The following SNRPN variants were observed in gnomAD, a reference collection of about 807,000 sequenced individuals.
The protein encoded by SNRPN is small nuclear ribonucleoprotein-associated protein N.
SNRPN carries 7 observed loss-of-function variants against 25.2 expected under a neutral mutation model. The observed-to-expected ratio is 0.28, with a 90% CI of 0.16 to 0.52. The LOEUF is 0.52. Ranked by LOEUF, SNRPN falls within the 20% of genes least tolerant of loss-of-function variation. The probability of loss-of-function intolerance (pLI) is 0.96; values close to 1 mark genes in which losing one functional copy is unlikely to be tolerated. For missense variants in SNRPN, 196 were observed against 322.5 expected (o/e 0.61, Z 3.00); for synonymous variants, 124 against 110.6 (o/e 1.12, Z -0.76).
At chr15:24,877,691 C>A (rs867206747) in intron 1 of SNRPN, among the ~76,000 whole-genome samples, 10 of 118,304 alleles carry the variant, frequency 8.5e-5, no homozygotes, top group African/African-American at 2.8e-4. Context: ...CACACACACA[C>A]ACACAAACAC....
chr15:24,826,445 T>C (rs2050084960), intron 1 of SNRPN, among the ~76,000 whole-genome samples: 1 of 152,164 alleles, frequency 6.6e-6, no homozygotes, highest in Non-Finnish European at 1.5e-5. Context: ...TGATGTACTG[T>C]GTCTTGCCAA....
chr15:24,832,593 C>T (rs1048620235), intron 2 of SNRPN, among the ~76,000 whole-genome samples: 4 of 151,912 alleles, frequency 2.6e-5, no homozygotes, highest in Non-Finnish European at 5.9e-5. Flanking sequence ...AGCTGGTAAC[C>T]CCAGCCAGCA....
chr15:24,911,537 C>T (rs2059216300), intron 2 of SNRPN, among the ~76,000 whole-genome samples: 1 of 152,176 alleles, frequency 6.6e-6, no homozygotes, highest in African/African-American at 2.4e-5. Context: ...AGCAAAGCTT[C>T]CCCATCTGTG....
chr15:24,976,983 C>T lies in SNRPN; in HGVS notation c.374C>T (p.Ala125Val). ...PAGVPIPQAP[A>V]GLAGPVRGVG... ...GGTGTGCCAATTCCCCAGGCCCCTG[C>T]TGGATTGGCAGGCCCTGTCCGAGGA... Residue 125 changes from alanine (A) to valine (V), a missense_variant, in exon 7 of 10, where the codon GCT becomes GTT. By Grantham distance (64) the Ala-to-Val change is moderately conservative (BLOSUM62 0). Transcript: ENST00000390687. The T allele has an allele frequency of 1.2e-6, 2 of 1,604,378 alleles. No homozygotes were observed. Among genetic ancestry groups the T allele is most frequent in the Non-Finnish European group, 1.7e-6 (2 of 1,175,902 alleles).
chr15:24,915,154 G>A (rs2059434735), intron 2 of SNRPN, among the ~76,000 whole-genome samples: 1 of 151,848 alleles, frequency 6.6e-6, no homozygotes, highest in Admixed American at 6.6e-5. Context: ...TTGAGACAGA[G>A]TCTCGCTCTG....
chr15:24,921,521 GC>G (rs1362703901), intron 3 of SNRPN, among the ~76,000 whole-genome samples: 1 of 152,144 alleles, frequency 6.6e-6, no homozygotes, highest in African/African-American at 2.4e-5. Context: ...TGTAATCCAG[GC>G]AATATGTAGG....
chr15:24,917,125 G>T (rs2152397953), intron 2 of SNRPN, among the ~76,000 whole-genome samples: 1 of 152,228 alleles, frequency 6.6e-6, no homozygotes, highest in East Asian at 1.9e-4. Context: ...GCACTGATTG[G>T]TGCATTTTAC....
intron 1 of SNRPN, among the ~76,000 whole-genome samples, chr15:24,871,897 G>A (rs2055162694): frequency 8.5e-6 from 1 of 117,306 alleles, no homozygotes; most frequent in South Asian, 3.1e-4. Flanking sequence ...AGCAGAGACG[G>A]GGTTTCACCA....
At chr15:24,834,732 T>TCC (rs1425050544) in intron 2 of SNRPN, among the ~76,000 whole-genome samples, 2,983 of 66,056 alleles carry the variant, frequency 0.045, 31 homozygotes, top group Non-Finnish European at 0.056. Context: ...TCTCTCCCTC[T>TCC]CTCTCTCTCT....
intron 1 of SNRPN, among the ~76,000 whole-genome samples, chr15:24,857,487 G>A (rs1190235310): frequency 6.6e-6 from 1 of 151,956 alleles, no homozygotes; most frequent in Admixed American, 6.6e-5. Context: ...GTAGCATATA[G>A]TTTTATAATC....
chr15:24,829,305 G>A (rs765518555), intron 1 of SNRPN, among the ~76,000 whole-genome samples: 6 of 152,112 alleles, frequency 3.9e-5, no homozygotes, highest in African/African-American at 1.4e-4. Context: ...GCCTGGACTG[G>A]GTGGGCAAGG....
intron 3 of SNRPN, among the ~76,000 whole-genome samples, chr15:24,921,617 T>C (rs1043045440): frequency 2.0e-5 from 3 of 152,106 alleles, no homozygotes; most frequent in Non-Finnish European, 4.4e-5. Flanking sequence ...GACCTTATGA[T>C]CAGCCCTTGG....
At chr15:24,859,997 C>G (rs998791561) in intron 1 of SNRPN, among the ~76,000 whole-genome samples, 11 of 152,146 alleles carry the variant, frequency 7.2e-5, no homozygotes, top group Non-Finnish European at 1.5e-5. Flanking sequence ...TGACCTGTAT[C>G]TTGTGCCAGT....
At chr15:24,887,687 T>G (rs766964451) in intron 2 of SNRPN, among the ~76,000 whole-genome samples, 3 of 152,072 alleles carry the variant, frequency 2.0e-5, no homozygotes, top group Non-Finnish European at 4.4e-5. Context: ...ATAGCTGCCT[T>G]TGGGGGCTGA....
At chr15:24,865,071 G>C (rs2054439529) in intron 1 of SNRPN, among the ~76,000 whole-genome samples, 1 of 142,066 alleles carries the variant, frequency 7.0e-6, no homozygotes, top group Non-Finnish European at 1.5e-5. Flanking sequence ...TTTTGAGACA[G>C]AGTCTTACTC....
intron 1 of SNRPN, among the ~76,000 whole-genome samples, chr15:24,885,961 G>A (rs2057171904): frequency 6.6e-6 from 1 of 152,068 alleles, no homozygotes; most frequent in African/African-American, 2.4e-5. Flanking sequence ...TCCAGCATCC[G>A]TCTGGTTTCT....
At chr15:24,955,750 CGGCGACAGTGGGTATT>C (rs1403186742) in intron 1 of SNRPN, among the ~76,000 whole-genome samples, 2 of 150,568 alleles carry the variant, frequency 1.3e-5, no homozygotes, top group Non-Finnish European at 3.0e-5. Context: ...AGGGGGAAGG[CGGCGACAGTGGGTATT>C]GGCGGCGGTG....
intron 2 of SNRPN, among the ~76,000 whole-genome samples, chr15:24,893,575 G>A (rs1047517390): frequency 9.5e-4 from 145 of 152,152 alleles, no homozygotes; most frequent in African/African-American, 3.4e-3. Flanking sequence ...CTGTGATTGT[G>A]CCACTACACT....
In SNRPN at chr15:24,918,311, C is replaced by CAT. The variant is rs201064878; in HGVS notation, c.-504-1688_-504-1687dup. Among the ~76,000 whole-genome samples, 1,073 of 129,938 alleles carry CAT rather than the reference C, an allele frequency of 8.3e-3. 14 individuals carry two copies. Among genetic ancestry groups the CAT allele is most frequent in the South Asian group, 0.016 (64 of 3,934 alleles). 85.2% of individuals were successfully genotyped at this position (129,938 alleles called of 152,430 possible). A position where few individuals can be genotyped will look rare whatever the true frequency, so the allele number is the denominator to read the frequency against. On this transcript the variant is annotated intron_variant, in intron 2 of 11. Coordinates refer to the SNRPN transcript ENST00000400097. ...ATTTTGCATAACATATATATGCAAA[C>CAT]ATATATATATATAACATAATATATA... is the stretch of plus-strand genomic sequence containing the variant.
Sources: allele counts gnomAD v4.1 joint callset (sites outside exome capture counted in the v4.1 genomes callset), GRCh38; gene constraint gnomAD v4.1.1; transcripts MANE v1.5; gene names NCBI Gene and HGNC (gene_info 2026-07-23, HGNC 2026-07-21).